CDK6: variants seen among roughly 807,000 people sequenced by gnomAD.
The protein encoded by CDK6 is cyclin-dependent kinase 6.
In CDK6, 6 loss-of-function variants were observed where a neutral mutation model predicts 37.1. That is an observed-to-expected ratio of 0.16 (90% CI 0.09 to 0.32). The LOEUF is 0.32. CDK6 is among the 10% of genes least tolerant of loss of function. CDK6 has a pLI of 1.00. For missense variants in CDK6, 224 were observed against 418.9 expected (o/e 0.53, Z 4.06); for synonymous variants, 160 against 161.3 (o/e 0.99, Z 0.06).
In CDK6 at chr7:92,778,664, C is replaced by A. The variant is rs1204279777; in HGVS notation, c.234-3833G>T. ...AAAAGAAAATGGAGTTCCACAATCC[C>A]CAACTTTCTTTATATCTGTTGCTTG... is the stretch of plus-strand genomic sequence containing the variant. On this transcript the variant is annotated intron_variant, in intron 2 of 7. Coordinates refer to ENST00000424848, the MANE Select transcript of CDK6 (RefSeq NM_001145306.2). Among the ~76,000 whole-genome samples the A allele has an allele frequency of 1.3e-5, 2 of 151,978 alleles. 1 individual carries two copies. The highest frequency in any genetic ancestry group is 1.3e-4 in the Admixed American group (2 of 15,262).
chr7:92,672,180 CACAGACACAT>C (rs1562931148), intron 4 of CDK6, among the ~76,000 whole-genome samples: 18 of 99,002 alleles, frequency 1.8e-4, no homozygotes, highest in African/African-American at 6.8e-4. Flanking sequence ...CACACACACA[CACAGACACAT>C]ACACACACAC....
chr7:92,633,715 A>G (rs982038403), intron 5 of CDK6, among the ~76,000 whole-genome samples: 1 of 150,826 alleles, frequency 6.6e-6, no homozygotes, highest in Non-Finnish European at 1.5e-5. Context: ...TGAAGTATTT[A>G]TAGCATAATG....
rs937099198 is a variant in CDK6, at chr7:92,607,208, T to A, written c.*7932A>T. 1.1e-4 allele frequency: 25 copies of A among 233,536 alleles called. No individual in the cohort carries two copies. Among genetic ancestry groups the A allele is most frequent in the Admixed American group, 7.3e-4 (13 of 17,764 alleles). The allele number at this position is 233,536 out of a possible 1,614,324, so 14.5% of individuals were successfully genotyped here. ...TACTGCCTGTTCCCACTACTCCACA[T>A]GACACCTACGAGGGCACTACATCAC... On this transcript the variant is annotated 3_prime_UTR_variant, in exon 8 of 8. Coordinates refer to ENST00000424848, the MANE Select transcript of CDK6 (RefSeq NM_001145306.2).
At chr7:92,638,802 C>T (rs1253403832) in intron 5 of CDK6, among the ~76,000 whole-genome samples, 1 of 152,126 alleles carries the variant, frequency 6.6e-6, no homozygotes, top group East Asian at 1.9e-4. Context: ...CATTGGATGC[C>T]AATGATATGC....
chr7:92,658,006 G>A (rs1333557052), intron 5 of CDK6, among the ~76,000 whole-genome samples: 1 of 152,194 alleles, frequency 6.6e-6, no homozygotes. Flanking sequence ...ACAGATGTAA[G>A]GCACCATGGC....
At chr7:92,827,628 ATCAC>A (rs1801359702) in intron 2 of CDK6, among the ~76,000 whole-genome samples, 1 of 152,200 alleles carries the variant, frequency 6.6e-6, no homozygotes, top group Admixed American at 6.5e-5. Context: ...TCTATGGATC[ATCAC>A]TCAAATAGTG....
At chr7:92,681,553 T>C (rs541280629) in intron 4 of CDK6, among the ~76,000 whole-genome samples, 163 of 152,308 alleles carry the variant, frequency 1.1e-3, no homozygotes, top group Middle Eastern at 6.8e-3. Flanking sequence ...AGTCAATTCA[T>C]CATGTGAATG....
intron 3 of CDK6, among the ~76,000 whole-genome samples, chr7:92,766,026 A>G (rs1004895581): frequency 1.3e-5 from 2 of 152,166 alleles, no homozygotes; most frequent in Non-Finnish European, 2.9e-5. Flanking sequence ...CCGTGGGCCC[A>G]AGGAAGAGTG....
chr7:92,773,384 T>C (rs1799767112), intron 3 of CDK6, among the ~76,000 whole-genome samples: 1 of 152,074 alleles, frequency 6.6e-6, no homozygotes, highest in Admixed American at 6.6e-5. Flanking sequence ...GCCACCAAGG[T>C]GGAAAATCAC....
intron 2 of CDK6, among the ~76,000 whole-genome samples, chr7:92,814,241 CA>C (rs1485926352): frequency 6.6e-6 from 1 of 152,052 alleles, no homozygotes; most frequent in Non-Finnish European, 1.5e-5. Flanking sequence ...CAGGTGCAAT[CA>C]GCAACAGAAG....
At chr7:92,617,247 C>T (rs1795701719) in intron 7 of CDK6, among the ~76,000 whole-genome samples, 1 of 151,958 alleles carries the variant, frequency 6.6e-6, no homozygotes, top group Non-Finnish European at 1.5e-5. Context: ...TATGGACCTT[C>T]AGGGGCATTG....
At chr7:92,782,881 C>T (rs973610570) in intron 2 of CDK6, among the ~76,000 whole-genome samples, 2 of 152,194 alleles carry the variant, frequency 1.3e-5, no homozygotes, top group East Asian at 1.9e-4. Context: ...GCCTCAAATA[C>T]GTCTTACAGA....
intron 4 of CDK6, among the ~76,000 whole-genome samples, chr7:92,672,160 T>TATACACACACAC (rs1210519115): frequency 1.3e-5 from 1 of 79,084 alleles, no homozygotes; most frequent in Non-Finnish European, 2.4e-5. Context: ...TATATATATA[T>TATACACACACAC]ACACATACAC....
intron 3 of CDK6, among the ~76,000 whole-genome samples, chr7:92,751,003 A>C (rs1465163331): frequency 6.6e-6 from 1 of 152,214 alleles, no homozygotes; most frequent in Non-Finnish European, 1.5e-5. Flanking sequence ...CATTACAAGA[A>C]TTGATAATAA....
At chr7:92,698,091 G>T (rs1401380890) in intron 4 of CDK6, among the ~76,000 whole-genome samples, 12 of 151,876 alleles carry the variant, frequency 7.9e-5, no homozygotes, top group Admixed American at 7.9e-4. Context: ...TGAAATCAAA[G>T]AAAATAATTG....
chr7:92,648,577 C>T (rs964570145), intron 5 of CDK6, among the ~76,000 whole-genome samples: 3 of 152,156 alleles, frequency 2.0e-5, no homozygotes, highest in Non-Finnish European at 4.4e-5. Context: ...CCTTATAGAA[C>T]TTACCATCTC....
intron 3 of CDK6, among the ~76,000 whole-genome samples, chr7:92,772,533 CA>C (rs112275011): frequency 0.03 from 3,837 of 127,848 alleles, 68 homozygotes; most frequent in African/African-American, 0.067. Flanking sequence ...ACAAAAAGCT[CA>C]AAAAAAAAAA....
At position 92,748,816 on chromosome 7, in the gene CDK6, C is replaced by T. The variant is rs141284727; in HGVS notation, c.370-23023G>A. ...AAGGCAAATATATGACTACTCATAT[C>T]CCACTCCCATTCCCCATCCACACCT... On this transcript the variant is annotated intron_variant, in intron 3 of 7. Coordinates refer to ENST00000424848, the MANE Select transcript of CDK6 (RefSeq NM_001145306.2). 1.2e-3 allele frequency among the ~76,000 whole-genome samples: 180 copies of T among 152,258 alleles called. 1 individual carries two copies. The highest frequency in any genetic ancestry group is 3.9e-3 in the African/African-American group (160 of 41,558).
Position 92,607,912 on chromosome 7 carries a change from TA to T in CDK6, c.*7227del, listed in dbSNP as rs1372272217. 8.6e-6 allele frequency: 2 copies of T among 233,370 alleles called. No individual in the cohort carries two copies. The highest frequency in any genetic ancestry group is 4.4e-5 in the African/African-American group (2 of 45,354). 14.5% of individuals were successfully genotyped at this position (233,370 alleles called of 1,614,324 possible). ...AAGATATATCATGCACTGTGAGGTT[TA>T]AGAAATGTATTACTGCTGGGATTTG... On this transcript the variant is annotated 3_prime_UTR_variant, in exon 8 of 8. Transcript: ENST00000424848.
Sources: gnomAD v4.1 joint callset for allele counts (sites outside exome capture counted in the v4.1 genomes callset) on GRCh38, gnomAD v4.1.1 for gene constraint, MANE v1.5 for transcripts, NCBI Gene and HGNC (gene_info 2026-07-23, HGNC 2026-07-21) for gene names.